The following GBF1 variants were observed in gnomAD, a reference collection of about 807,000 sequenced individuals.
GBF1 encodes the protein Golgi-specific brefeldin A-resistance guanine nucleotide exchange factor 1.
In GBF1, 114 loss-of-function variants were observed where a neutral mutation model predicts 210.5. The ratio of observed to expected loss-of-function variants is 0.54; its 90% confidence interval spans 0.47 to 0.63. The LOEUF is 0.63. GBF1 is among the 30% of genes least tolerant of loss of function. The pLI, the probability that GBF1 is intolerant of heterozygous loss-of-function variation, is 0.00. For synonymous variants in GBF1, 850 were observed against 889.2 expected, an observed-to-expected ratio of 0.96 and a Z score of 0.78; for missense variants, 1,851 against 2,357.7, an observed-to-expected ratio of 0.79 and a Z score of 4.45.
intron 19 of GBF1, 69 bp from the exon 20 acceptor site, chr10:102,367,016 T>C (rs1423460084): frequency 1.2e-5 from 19 of 1,568,734 alleles, no homozygotes; most frequent in Non-Finnish European, 1.7e-5. Context: ...CACTGACCAG[T>C]GGGTTGGTAG....
chr10:102,326,123 A>G (rs990598044), intron 3 of GBF1, among the ~76,000 whole-genome samples: 6 of 152,182 alleles, frequency 3.9e-5, no homozygotes, highest in Admixed American at 6.5e-5. Flanking sequence ...CTTGTCTATT[A>G]CTATGGTTAT....
chr10:102,287,344 CTTTTTT>C (rs763880492), intron 3 of GBF1, among the ~76,000 whole-genome samples: 7 of 69,518 alleles, frequency 1.0e-4, no homozygotes, highest in Admixed American at 1.8e-4. Flanking sequence ...ATTTTATTTT[CTTTTTT>C]TTTTTTTTTT....
intron 3 of GBF1, among the ~76,000 whole-genome samples, chr10:102,262,574 C>G (rs1379653969): frequency 6.6e-6 from 1 of 152,208 alleles, no homozygotes; most frequent in African/African-American, 2.4e-5. Flanking sequence ...TGACTGAGAT[C>G]ACCCTGGCCT....
intron 3 of GBF1, among the ~76,000 whole-genome samples, chr10:102,285,080 T>G (rs1358842267): frequency 6.6e-6 from 1 of 152,210 alleles, no homozygotes; most frequent in Non-Finnish European, 1.5e-5. Context: ...GGTATTGAGA[T>G]TTTAGCTTTT....
intron 3 of GBF1, among the ~76,000 whole-genome samples, chr10:102,286,341 T>C (rs1240625871): frequency 1.3e-5 from 2 of 152,184 alleles, no homozygotes; most frequent in Non-Finnish European, 2.9e-5. Flanking sequence ...ATTTAGTTAT[T>C]TGGAACCAAA....
At chr10:102,297,698 T>G (rs912628812) in intron 3 of GBF1, among the ~76,000 whole-genome samples, 2 of 152,226 alleles carry the variant, frequency 1.3e-5, no homozygotes, top group African/African-American at 2.4e-5. Context: ...TGAATTCCTT[T>G]GGACATAGAA....
chr10:102,338,949 C>T (rs1228307028), intron 3 of GBF1, among the ~76,000 whole-genome samples: 1 of 152,050 alleles, frequency 6.6e-6, no homozygotes, highest in Non-Finnish European at 1.5e-5. Context: ...CAATGCAATT[C>T]CTTTCAAACT....
intron 3 of GBF1, among the ~76,000 whole-genome samples, chr10:102,295,495 C>T (rs1335999550): frequency 6.6e-6 from 1 of 151,972 alleles, no homozygotes; most frequent in Non-Finnish European, 1.5e-5. Context: ...CAATATTACT[C>T]TTTTAGATGT....
intron 3 of GBF1, among the ~76,000 whole-genome samples, chr10:102,261,650 C>T (rs1435354685): frequency 1.5e-5 from 2 of 133,206 alleles, no homozygotes; most frequent in African/African-American, 2.9e-5. Flanking sequence ...GTGTGTCTCT[C>T]TGTTGCCTAG....
intron 3 of GBF1, among the ~76,000 whole-genome samples, chr10:102,310,930 G>A (rs1000326398): frequency 6.6e-5 from 10 of 152,212 alleles, no homozygotes; most frequent in African/African-American, 2.4e-4. Context: ...GCATCCCGCT[G>A]GATGGCCCTG....
At chr10:102,255,736 C>T (rs2072256438) in intron 1 of GBF1, among the ~76,000 whole-genome samples, 1 of 152,160 alleles carries the variant, frequency 6.6e-6, no homozygotes, top group Non-Finnish European at 1.5e-5. Flanking sequence ...ATATATCTTT[C>T]TTCTATTTCT....
intron 23 of GBF1, 98 bp from the exon 24 acceptor site, chr10:102,369,113 C>T (rs2060068553): frequency 1.1e-6 from 1 of 914,474 alleles, no homozygotes; most frequent in Non-Finnish European, 1.7e-6. Context: ...GCAGAGCCAA[C>T]AAAAGGACCT....
At chr10:102,264,204 A>T (rs2073593508) in intron 3 of GBF1, among the ~76,000 whole-genome samples, 1 of 152,138 alleles carries the variant, frequency 6.6e-6, no homozygotes, top group African/African-American at 2.4e-5. Context: ...TGCAGAAGTG[A>T]TGGATTTGCC....
chr10:102,263,886 C>G (rs763570805), intron 3 of GBF1, among the ~76,000 whole-genome samples: 2 of 152,142 alleles, frequency 1.3e-5, no homozygotes, highest in Non-Finnish European at 2.9e-5. Flanking sequence ...CTTTAGCTTA[C>G]CACCAGTGAG....
chr10:102,304,270 A>G (rs2133877338), intron 3 of GBF1, among the ~76,000 whole-genome samples: 1 of 152,330 alleles, frequency 6.6e-6, no homozygotes. Flanking sequence ...TTTTATAGCT[A>G]AAGAGGTCCT....
At position 102,365,264 on chromosome 10, in the gene GBF1, C is replaced by T. The variant is rs148536427; in HGVS notation, c.2107-133C>T. 2.6e-5 allele frequency: 17 copies of T among 655,898 alleles called. No homozygotes were observed. The African/African-American group carries it at 2.9e-4, about 11-fold the overall frequency. The allele number at this position is 655,898 out of a possible 1,614,324, so 40.6% of individuals were successfully genotyped here. A position where few individuals can be genotyped will look rare whatever the true frequency, so the allele number is the denominator to read the frequency against. On this transcript the variant is annotated intron_variant, in intron 17 of 39. Transcript: ENST00000369983. ...AGGCCATTATGATCTAGCCTTAGTT[C>T]TGTAATCACTAAGAACCACATCCTA...
chr10:102,372,536 A>G (rs770133443), intron 29 of GBF1, among the ~76,000 whole-genome samples: 77 of 152,232 alleles, frequency 5.1e-4, no homozygotes, highest in Non-Finnish European at 1.0e-3. Context: ...GTATAGCTAT[A>G]GTAGTCAAGA....
rs140115049 is a variant in GBF1 at position 102,359,127 on chromosome 10, C to T, written c.1012-140C>T. 2,167 of 665,086 alleles carry T rather than the reference C, an allele frequency of 3.3e-3. 6 individuals carry two copies. Among genetic ancestry groups the T allele is most frequent in the Middle Eastern group, 0.011 (43 of 3,882 alleles). The allele number at this position is 665,086 out of a possible 1,614,324, so 41.2% of individuals were successfully genotyped here. On this transcript the variant is annotated intron_variant, in intron 10 of 39. Coordinates refer to ENST00000369983, the MANE Select transcript of GBF1 (RefSeq NM_001377137.1). ...TCATACTCCTACCTGAGCCATCTTG[C>T]GGTGATTCATAAACCACTGAGTTGG...
chr10:102,381,995 T>G (rs2060888535), intron 39 of GBF1, 61 bp from the exon 40 acceptor site: 1 of 1,376,130 alleles, frequency 7.3e-7, no homozygotes, highest in South Asian at 1.4e-5. Context: ...AGCTGGGCAA[T>G]GTGAGAGTTG....
Sources: allele counts gnomAD v4.1 joint callset (sites outside exome capture counted in the v4.1 genomes callset), GRCh38; gene constraint gnomAD v4.1.1; transcripts MANE v1.5; gene names NCBI Gene and HGNC (gene_info 2026-07-23, HGNC 2026-07-21).